RRN3: variants seen among roughly 807,000 people sequenced by gnomAD.
RRN3 encodes RNA polymerase I transcription factor RRN3, also known as RNA polymerase I-specific transcription initiation factor RRN3.
A neutral mutation model predicts 82.3 loss-of-function variants in RRN3; 38 were observed. The observed-to-expected ratio is 0.46, with a 90% CI of 0.36 to 0.61. RRN3 has a LOEUF of 0.61. Ranked by LOEUF, RRN3 falls within the 20% of genes least tolerant of loss-of-function variation. The pLI is 0.00. For missense variants in RRN3, 726 were observed against 793.1 expected (o/e 0.92, Z 1.02); for synonymous variants, 284 against 284.3 (o/e 1.00, Z 0.01).
intron 10 of RRN3, chr16:15,076,342 T>G: frequency 1.7e-6 from 1 of 602,748 alleles, no homozygotes; most frequent in Non-Finnish European, 3.0e-6. Flanking sequence ...AAGTGAAACA[T>G]ACTTCACCAA....
intron 9 of RRN3, 28 bp from the exon 10 acceptor site, chr16:15,076,678 T>A (rs1479421148): frequency 7.0e-7 from 1 of 1,437,896 alleles, no homozygotes; most frequent in Non-Finnish European, 9.8e-7. Context: ...AAAAAAAGAA[T>A]AAAAGGATTT....
At chr16:15,075,194 G>A (rs1471719636) in intron 10 of RRN3, among the ~76,000 whole-genome samples, 1 of 150,558 alleles carries the variant, frequency 6.6e-6, no homozygotes, top group Non-Finnish European at 1.5e-5. Flanking sequence ...GGAGGCTACA[G>A]TGAGCCGAGT....
At chr16:15,071,527 G>C (rs1189299237) in intron 12 of RRN3, among the ~76,000 whole-genome samples, 1 of 152,234 alleles carries the variant, frequency 6.6e-6, no homozygotes, top group Non-Finnish European at 1.5e-5. Flanking sequence ...CAGCACTTTG[G>C]GAGGCCGAGG....
At chr16:15,091,803 A>C (rs2046139571) in intron 2 of RRN3, among the ~76,000 whole-genome samples, 1 of 152,176 alleles carries the variant, frequency 6.6e-6, no homozygotes, top group Admixed American at 6.5e-5. Context: ...AAATGCTTCT[A>C]AACTACCACA....
At chr16:15,081,983 A>C (rs1418008954) in intron 8 of RRN3, among the ~76,000 whole-genome samples, 1 of 152,036 alleles carries the variant, frequency 6.6e-6, no homozygotes, top group Non-Finnish European at 1.5e-5. Context: ...ACCATGCTGA[A>C]CTCATTTATT....
At position 15,078,882 on chromosome 16, in the gene RRN3, G is replaced by T. The variant is rs560608427; in HGVS notation, c.765+1116C>A. 2.1e-4 allele frequency among the ~76,000 whole-genome samples: 32 copies of T among 150,104 alleles called. 1 individual carries two copies. The East Asian group carries it at 5.7e-3, about 27-fold the overall frequency. On this transcript the variant is annotated intron_variant, in intron 9 of 17. Transcript: ENST00000198767. ...GCTGGAGCGGAGTGGCGCAATCTCG[G>T]CTCACTGCAAGCTCCACCTCCCGGA...
At chr16:15,071,054 T>A in intron 13 of RRN3, 67 bp downstream of exon 13, 1 of 1,403,356 alleles carries the variant, frequency 7.1e-7, no homozygotes, top group East Asian at 2.3e-5. Context: ...TATTTCTGAC[T>A]TGAGACAATG....
rs367562275 is a variant in RRN3, at chr16:15,094,181, G to A, written c.53C>T (p.Ser18Phe). 1.1e-5 allele frequency: 17 copies of A among 1,602,328 alleles called. No homozygotes were observed. Among genetic ancestry groups the A allele is most frequent in the Non-Finnish European group, 1.4e-5 (16 of 1,174,916 alleles). The change falls in exon 1 of 18, where the codon TCC (serine) becomes TTC (phenylalanine). Residue 18 changes from serine to phenylalanine, a missense_variant. By Grantham distance (155) the Ser-to-Phe change is radical. Around this residue, in one of 4 missense-constraint regions of RRN3, gnomAD observed 135 missense variants for 87.4 expected, o/e 1.55. Transcript: ENST00000198767. ...TRLPGDAAAS[S>F]SAVKKLGASR... is the part of the protein sequence containing the mutation. ...CGCGCCCAGCTTCTTAACTGCAGAG[G>A]ACGAAGCGGCCGCATCTCCCGGCAA...
chr16:15,084,034 G>GTA (rs1327812279), intron 7 of RRN3, among the ~76,000 whole-genome samples: 5 of 152,160 alleles, frequency 3.3e-5, no homozygotes, highest in Non-Finnish European at 7.4e-5. Context: ...AACTTACAAT[G>GTA]TATAGCTTCT....
At chr16:15,086,552 G>T in intron 3 of RRN3, 98 bp from the exon 4 acceptor site, 1 of 1,533,582 alleles carries the variant, frequency 6.5e-7, no homozygotes, top group Non-Finnish European at 8.8e-7. Flanking sequence ...GAATAGGTTG[G>T]GGGGAAAAGG....
chr16:15,063,572 G>C (rs530162107), intron 16 of RRN3, among the ~76,000 whole-genome samples: 1 of 151,812 alleles, frequency 6.6e-6, no homozygotes, highest in African/African-American at 2.4e-5. Flanking sequence ...GCCGGGTGTG[G>C]TGGCGGACAC....
rs1264352393 is a variant in RRN3, at chr16:15,089,107, A to C, written c.252+2208T>G. ...CACTTGAGGTCAGGAGTTCGAGAGC[A>C]GCCTGGCCAGCATGGTGAAACCCCA... On this transcript the variant is annotated intron_variant, in intron 3 of 17. Transcript: ENST00000198767. Among the ~76,000 whole-genome samples, 6 of 152,088 alleles carry C rather than the reference A, an allele frequency of 3.9e-5. No homozygotes were observed. In the South Asian group the frequency reaches 1.0e-3, roughly 26 times the overall value.
chr16:15,080,245 C>A, intron 8 of RRN3, 149 bp from the exon 9 acceptor site: 1 of 1,102,764 alleles, frequency 9.1e-7, no homozygotes, highest in Non-Finnish European at 1.2e-6. Flanking sequence ...TATACTGTTT[C>A]TACATGTATT....
rs1458799458 is a variant in RRN3, at chr16:15,085,644, T to C, written c.527A>G (p.Asp176Gly). Reference protein sequence around the residue: ...DVDVSDSDDEDDNLPANFDTC... With the variant: ...DVDVSDSDDEGDNLPANFDTC... ...TTAAACCTTTTTATACTTACTATCA[T>C]CTTCATCATCAGAATCTGAAACATC... The change falls in exon 6 of 18, where the codon GAT (aspartate) becomes GGT (glycine). Residue 176 changes from aspartate (D) to glycine (G), a missense_variant. Transcript: ENST00000198767. 1.9e-6 allele frequency: 3 copies of C among 1,613,128 alleles called. No individual in the cohort carries two copies. Among genetic ancestry groups the C allele is most frequent in the African/African-American group, 1.3e-5 (1 of 74,902 alleles).
rs774742925 is a variant in RRN3, at chr16:15,086,446, C to G, written c.261G>C (p.Gln87His). 1.2e-5 allele frequency: 20 copies of G among 1,611,506 alleles called. No homozygotes were observed. The Admixed American group carries it at 3.0e-4, about 24-fold the overall frequency. The change falls in exon 4 of 18, where the codon CAG (glutamine) becomes CAC (histidine). Residue 87 changes from glutamine (Q) to histidine (H), a missense_variant. Physicochemically the swap from Gln to His is conservative, Grantham distance 24. Around this residue, in one of 4 missense-constraint regions of RRN3, gnomAD observed 344 missense variants for 394.5 expected, o/e 0.87. Transcript: ENST00000198767. ...QLLDPDIKDD[Q>H]IINWLLEFRS... The stretch of plus-strand genomic sequence containing the variant: ...GGAATTCTAGCAGCCAGTTGATGAT[C>G]TGGTCATCCTTAAGTTAAACAAAGA...
At position 15,094,154 on chromosome 16, in the gene RRN3, G is replaced by C. The variant is rs765019266; in HGVS notation, c.80C>G (p.Ser27Trp). 1.0e-5 allele frequency: 16 copies of C among 1,599,042 alleles called. No individual in the cohort carries two copies. The highest frequency in any genetic ancestry group is 2.2e-5 in the East Asian group (1 of 44,478). The part of the protein sequence containing the change: ...SSSAVKKLGA[S>W]RTGISNMRAL... ...GCGGCCTGAATCTTACCCAGTCCTC[G>C]ACGCGCCCAGCTTCTTAACTGCAGA... Residue 27 changes from serine to tryptophan, a missense_variant, in exon 1 of 18, where the codon TCG becomes TGG. Physicochemically the swap from Ser to Trp is radical, Grantham distance 177 (BLOSUM62 -3). Coordinates refer to ENST00000198767, the MANE Select transcript of RRN3 (RefSeq NM_018427.5).
At position 15,071,111 on chromosome 16, in the gene RRN3, G is replaced by A. The variant is rs768134279; in HGVS notation, c.1259+10C>T. ...ATATTAAAAAGTATTCGGAAAATTAGGCTACTTACATAAGAGGAATAAATT... is the reference window on the plus strand; with the variant it reads ...ATATTAAAAAGTATTCGGAAAATTAAGCTACTTACATAAGAGGAATAAATT... On this transcript the variant is annotated intron_variant, in intron 13 of 17. Coordinates refer to ENST00000198767, the MANE Select transcript of RRN3 (RefSeq NM_018427.5). 7 of 1,594,930 alleles carry A rather than the reference G, an allele frequency of 4.4e-6. No homozygotes were observed. The highest frequency in any genetic ancestry group is 2.3e-4 in the Middle Eastern group (1 of 4,354).
intron 15 of RRN3, among the ~76,000 whole-genome samples, chr16:15,067,811 G>A (rs545327232): frequency 1.6e-4 from 24 of 152,290 alleles, no homozygotes; most frequent in African/African-American, 5.1e-4. Flanking sequence ...AGACTGGAGT[G>A]CAGTGGTACA....
chr16:15,080,451 T>C (rs1264213851), intron 8 of RRN3, among the ~76,000 whole-genome samples: 2 of 152,194 alleles, frequency 1.3e-5, no homozygotes, highest in African/African-American at 4.8e-5. Flanking sequence ...ATTTTTCTTT[T>C]AGAGACAGGG....
Sources: gnomAD v4.1 joint callset for allele counts (sites outside exome capture counted in the v4.1 genomes callset) on GRCh38, gnomAD v4.1.1 for gene constraint, gnomAD v4.1.1 regional missense constraint, MANE v1.5 for transcripts, NCBI Gene and HGNC (gene_info 2026-07-23, HGNC 2026-07-21) for gene names.